Variants in RAD54L observed in about 807,000 individuals in gnomAD.
RAD54L encodes the protein DNA repair and recombination protein RAD54-like.
RAD54L carries 74 observed loss-of-function variants against 91.6 expected under a neutral mutation model. The observed-to-expected ratio is 0.81, with a 90% confidence interval of 0.67 to 0.98. RAD54L has a LOEUF of 0.98. RAD54L is among the 50% of genes least tolerant of loss of function. RAD54L has a pLI of 0.00. For synonymous variants in RAD54L, 304 were observed against 349.7 expected (o/e 0.87, Z 1.46); for missense variants, 887 against 945.7 (o/e 0.94, Z 0.81).
chr1:46,251,154 C>T (rs1050460961), intron 3 of RAD54L, among the ~76,000 whole-genome samples: 1 of 151,486 alleles, frequency 6.6e-6, no homozygotes, highest in East Asian at 1.9e-4. Context: ...ATTAAAAATA[C>T]AGAGAAAATT....
At chr1:46,259,511 G>A (rs1310167548) in intron 4 of RAD54L, among the ~76,000 whole-genome samples, 1 of 152,134 alleles carries the variant, frequency 6.6e-6, no homozygotes, top group Non-Finnish European at 1.5e-5. Flanking sequence ...CGTGGCTCAC[G>A]CCTGTAATAC....
At chr1:46,260,503 A>G in intron 5 of RAD54L, 39 bp from the exon 6 acceptor site, 1 of 1,596,502 alleles carries the variant, frequency 6.3e-7, no homozygotes, top group African/African-American at 1.3e-5. Flanking sequence ...TCCCTTGCCC[A>G]TGTCTGAGCA....
intron 3 of RAD54L, among the ~76,000 whole-genome samples, chr1:46,255,163 G>C (rs1659907062): frequency 1.3e-5 from 2 of 152,178 alleles, no homozygotes; most frequent in Non-Finnish European, 2.9e-5. Flanking sequence ...CTAGAAGTTT[G>C]CCTGTGGAGA....
intron 2 of RAD54L, 63 bp from the exon 3 acceptor site, chr1:46,249,937 A>G: frequency 6.4e-7 from 1 of 1,573,796 alleles, no homozygotes; most frequent in East Asian, 2.2e-5. Context: ...TTCAAGTGTT[A>G]GTTGCCATTA....
At chr1:46,255,214 G>A (rs1659908267) in intron 3 of RAD54L, among the ~76,000 whole-genome samples, 1 of 152,100 alleles carries the variant, frequency 6.6e-6, no homozygotes, top group African/African-American at 2.4e-5. Context: ...TTTTAAGATA[G>A]GAGATAATTA....
Position 46,277,810 on chromosome 1 carries a change from T to G in RAD54L, c.1870-7T>G. 1 of 1,602,284 alleles carries G rather than the reference T, an allele frequency of 6.2e-7. No individual in the cohort carries two copies. Among genetic ancestry groups the G allele is most frequent in the Non-Finnish European group, 8.5e-7 (1 of 1,169,680 alleles). On this transcript the variant is annotated splice_polypyrimidine_tract_variant and splice_region_variant and intron_variant, in intron 16 of 17. Transcript: ENST00000371975. ...TCTTTTGACATTCCCCACCTCCTCT[T>G]CCCCAGGCAGGGACCATTGAGGAGA...
intron 2 of RAD54L, among the ~76,000 whole-genome samples, chr1:46,249,698 TTG>T (rs1224984229): frequency 6.6e-6 from 1 of 152,116 alleles, no homozygotes; most frequent in Non-Finnish European, 1.5e-5. Flanking sequence ...GAGTGAAGCT[TTG>T]GGCCACCAGG....
chr1:46,268,908 G>A (rs775802791), intron 9 of RAD54L, among the ~76,000 whole-genome samples: 5 of 152,170 alleles, frequency 3.3e-5, no homozygotes, highest in Non-Finnish European at 5.9e-5. Flanking sequence ...TGGGACTACA[G>A]GCATATGCCA....
chr1:46,248,409 G>C lies in RAD54L; in HGVS notation c.3+1G>C, dbSNP rs371787795. ...GTTTTAAACTCCTAGGCCCAGGATGGTAAGTGTGGGCCTAGGGGAGACTGG... is the reference window on the plus strand; with the variant it reads ...GTTTTAAACTCCTAGGCCCAGGATGCTAAGTGTGGGCCTAGGGGAGACTGG... On this transcript the variant is annotated splice_donor_variant, in intron 1 of 17. Transcript: ENST00000371975. LOFTEE classifies it high-confidence loss of function. The C allele has an allele frequency of 1.2e-6, 2 of 1,614,036 alleles. No individual in the cohort carries two copies. The highest frequency in any genetic ancestry group is 4.5e-5 in the East Asian group (2 of 44,864).
chr1:46,274,482 AG>A (rs1374108925), intron 15 of RAD54L, 55 bp from the exon 16 acceptor site: 1 of 1,580,114 alleles, frequency 6.3e-7, no homozygotes, highest in East Asian at 2.2e-5. Context: ...TGGGCTGAGC[AG>A]GATCCCAGTT....
chr1:46,261,109 C>T, intron 7 of RAD54L, 94 bp downstream of exon 7: 2 of 1,545,002 alleles, frequency 1.3e-6, no homozygotes, highest in East Asian at 2.4e-5. Context: ...GAGGGCAATG[C>T]AGGGGTAGAA....
chr1:46,277,045 T>C (rs1034591327), intron 16 of RAD54L, among the ~76,000 whole-genome samples: 1 of 152,188 alleles, frequency 6.6e-6, no homozygotes, highest in African/African-American at 2.4e-5. Context: ...TCTGCCTGCC[T>C]CGGCCTCCAA....
chr1:46,271,801 T>G (rs1271543965), intron 10 of RAD54L, among the ~76,000 whole-genome samples: 1 of 152,138 alleles, frequency 6.6e-6, no homozygotes, highest in Non-Finnish European at 1.5e-5. Context: ...CAGCGGGCAT[T>G]TGGACAAATG....
chr1:46,260,639 T>TG, intron 6 of RAD54L, 28 bp downstream of exon 6: 1 of 1,613,864 alleles, frequency 6.2e-7, no homozygotes, highest in Admixed American at 1.7e-5. Flanking sequence ...GAACGAGGTA[T>TG]GGGCTATGGG....
Position 46,258,690 on chromosome 1 carries a change from C to A in RAD54L, c.215C>A (p.Ala72Glu). 6.2e-7 allele frequency: 1 copy of A among 1,602,168 alleles called. No homozygotes were observed. Among genetic ancestry groups the A allele is most frequent in the Middle Eastern group, 1.7e-4 (1 of 6,050 alleles). ...TTGTTTCTCCTTTCTTTTTAGGAAG[C>A]ATTTATTCGAAGCATTTTGTCAAAG... ...PPCLDSSQHE[A>E]FIRSILSKPF... The change falls in exon 4 of 18, where the codon GCA (alanine) becomes GAA (glutamate). Residue 72 changes from alanine (A) to glutamate (E), a missense_variant. Coordinates refer to ENST00000371975, the MANE Select transcript of RAD54L (RefSeq NM_003579.4).
At chr1:46,248,473 A>G in intron 1 of RAD54L, 39 bp from the exon 2 acceptor site, 1 of 1,614,060 alleles carries the variant, frequency 6.2e-7, no homozygotes, top group Non-Finnish European at 8.5e-7. Flanking sequence ...CCTAGGCTGC[A>G]GGATCCTTGC....
rs772165925 is a variant in RAD54L at position 46,260,054 on chromosome 1, A to G, written c.362A>G (p.Tyr121Cys). ...DPLEKDALVL[Y>C]EPPPLSAHDQ... Reference sequence around the variant, plus strand: ...CTGGAAAAAGATGCCTTGGTTCTGTATGAGCCTCCCCCGCTGAGCGCTCAT... The same window carrying G: ...CTGGAAAAAGATGCCTTGGTTCTGTGTGAGCCTCCCCCGCTGAGCGCTCAT... Residue 121 changes from tyrosine (Y) to cysteine (C), a missense_variant, in exon 5 of 18, where the codon TAT (tyrosine) becomes TGT (cysteine). Tyr to Cys is a radical substitution (Grantham distance 194, BLOSUM62 -2). Transcript: ENST00000371975. The G allele has an allele frequency of 1.9e-6, 3 of 1,614,180 alleles. No individual in the cohort carries two copies. The highest frequency in any genetic ancestry group is 1.7e-6 in the Non-Finnish European group (2 of 1,180,018).
intron 3 of RAD54L, among the ~76,000 whole-genome samples, chr1:46,253,983 T>C (rs2148280493): frequency 6.6e-6 from 1 of 152,222 alleles, no homozygotes; most frequent in Middle Eastern, 3.4e-3. Flanking sequence ...TTTTGTTTTT[T>C]CTTTTTTTTG....
At chr1:46,258,305 C>CA (rs56952108) in intron 3 of RAD54L, among the ~76,000 whole-genome samples, 1,162 of 88,868 alleles carry the variant, frequency 0.013, 11 homozygotes, top group South Asian at 0.032. Flanking sequence ...CTGATGTAGC[C>CA]AAAAAAAAAA....
Sources: allele counts gnomAD v4.1 joint callset (sites outside exome capture counted in the v4.1 genomes callset), GRCh38; gene constraint gnomAD v4.1.1; transcripts MANE v1.5; gene names NCBI Gene and HGNC (gene_info 2026-07-23, HGNC 2026-07-21).